The following PTPRG variants were observed in gnomAD, a reference collection of about 807,000 sequenced individuals.
PTPRG encodes receptor-type tyrosine-protein phosphatase gamma.
PTPRG carries 102 observed loss-of-function variants against 165.3 expected under a neutral mutation model. The observed-to-expected ratio is 0.62, with a 90% CI of 0.53 to 0.73. The LOEUF is 0.73. Among genes scored for constraint, PTPRG ranks in the 30% least tolerant of loss-of-function variants. The probability of loss-of-function intolerance (pLI) is 0.00; values close to 1 mark genes in which losing one functional copy is unlikely to be tolerated. For synonymous variants in PTPRG, 675 were observed against 669.5 expected, an observed-to-expected ratio of 1.01 and a Z score of -0.13; for missense variants, 1,866 against 1,861.4, an observed-to-expected ratio of 1.00 and a Z score of -0.05.
At chr3:61,945,452 G>A (rs57057505) in intron 2 of PTPRG, among the ~76,000 whole-genome samples, 19,380 of 151,106 alleles carry the variant, frequency 0.13, 1,431 homozygotes, top group Middle Eastern at 0.2. Flanking sequence ...CCAGCTACTC[G>A]GGAGGCTGCG....
Position 62,189,514 on chromosome 3 carries a change from C to T in PTPRG, c.1034-1955C>T, listed in dbSNP as rs373100324. On this transcript the variant is annotated intron_variant, in intron 8 of 29. Transcript: ENST00000474889. ...CCTGGCCTGTCTCTGCCAGCACGCC[C>T]GCTTACTTCTTACCCGGTTCCTGCA... 3.9e-5 allele frequency among the ~76,000 whole-genome samples: 6 copies of T among 152,274 alleles called. No individual in the cohort carries two copies. In the South Asian group the frequency reaches 1.0e-3, roughly 26 times the overall value.
chr3:61,562,961 G>T (rs1033799495), intron 1 of PTPRG, among the ~76,000 whole-genome samples: 9 of 152,152 alleles, frequency 5.9e-5, no homozygotes, highest in African/African-American at 1.9e-4. Context: ...TCTCTCTGGG[G>T]GCTGGGGCGC....
Position 62,222,295 on chromosome 3 carries a change from G to A in PTPRG, c.2288+3312G>A, listed in dbSNP as rs550752499. Among the ~76,000 whole-genome samples, 52 of 152,300 alleles carry A rather than the reference G, an allele frequency of 3.4e-4. No homozygotes were observed. Among genetic ancestry groups the A allele is most frequent in the African/African-American group, 1.3e-3 (52 of 41,572 alleles). On this transcript the variant is annotated intron_variant, in intron 13 of 29. Coordinates refer to ENST00000474889, the MANE Select transcript of PTPRG (RefSeq NM_002841.4). This position sits in a 1 kb window ranked among gnomAD's most constrained non-coding sequence, Gnocchi z 4.5. ...AAGATGGAACATCAGGACTTGGCTG[G>A]TTTGGTCTGTCTGTGTTTCTCTTGC... is the stretch of plus-strand genomic sequence containing the variant.
At chr3:62,022,036 A>T (rs1165269982) in intron 4 of PTPRG, among the ~76,000 whole-genome samples, 1 of 152,070 alleles carries the variant, frequency 6.6e-6, no homozygotes, top group Admixed American at 6.6e-5. Flanking sequence ...ATATGTATAC[A>T]ATTTACGTTA....
chr3:61,745,260 G>T (rs1023936641), intron 1 of PTPRG, among the ~76,000 whole-genome samples: 5 of 152,034 alleles, frequency 3.3e-5, no homozygotes, highest in African/African-American at 1.2e-4. Context: ...TGTTGGCCAG[G>T]ATGGTCTCGA....
chr3:62,247,450 T>G (rs1033163986), intron 15 of PTPRG, among the ~76,000 whole-genome samples: 5 of 152,190 alleles, frequency 3.3e-5, no homozygotes, highest in African/African-American at 1.2e-4. Flanking sequence ...TTAACTTCTC[T>G]CACTAGCACT....
intron 14 of PTPRG, among the ~76,000 whole-genome samples, chr3:62,231,639 T>C (rs1700904020): frequency 6.6e-6 from 1 of 152,120 alleles, no homozygotes; most frequent in Non-Finnish European, 1.5e-5. Context: ...TTTCCAAATT[T>C]TTAGATATTT....
chr3:61,626,027 GGGGC>G (rs1701599376), intron 1 of PTPRG, among the ~76,000 whole-genome samples: 2 of 114,152 alleles, frequency 1.8e-5, no homozygotes, highest in Middle Eastern at 4.2e-3. Context: ...TTTTTTTGGG[GGGGC>G]GGGAGAGATC....
At chr3:61,719,192 A>G (rs552369586) in intron 1 of PTPRG, among the ~76,000 whole-genome samples, 1 of 152,360 alleles carries the variant, frequency 6.6e-6, no homozygotes, top group African/African-American at 2.4e-5. Flanking sequence ...GAAGAATGGC[A>G]ATTGGATATG....
chr3:61,763,053 C>T (rs62243161), intron 2 of PTPRG, among the ~76,000 whole-genome samples: 29,139 of 152,110 alleles, frequency 0.19, 3,624 homozygotes, highest in Non-Finnish European at 0.25. Context: ...CATCCCACCC[C>T]TGGTGAATCA....
intron 3 of PTPRG, among the ~76,000 whole-genome samples, chr3:61,991,138 T>G (rs1185805877): frequency 6.6e-6 from 1 of 152,230 alleles, no homozygotes; most frequent in African/African-American, 2.4e-5. Flanking sequence ...GACCCTCTCC[T>G]GTACCTTGAT....
intron 2 of PTPRG, among the ~76,000 whole-genome samples, chr3:61,907,081 T>C (rs2038675353): frequency 6.6e-6 from 1 of 152,184 alleles, no homozygotes; most frequent in Non-Finnish European, 1.5e-5. Context: ...AGTTGTTATT[T>C]GGGGTAACAT....
intron 6 of PTPRG, among the ~76,000 whole-genome samples, chr3:62,144,160 C>T (rs1704033442): frequency 1.3e-5 from 2 of 152,194 alleles, no homozygotes; most frequent in Non-Finnish European, 2.9e-5. Context: ...CCTGCACCAC[C>T]TTATGTGTTT....
At chr3:61,762,029 C>A (rs917064505) in intron 2 of PTPRG, among the ~76,000 whole-genome samples, 2 of 129,466 alleles carry the variant, frequency 1.5e-5, no homozygotes, top group African/African-American at 5.0e-5. Context: ...ATATGAAGCT[C>A]TTCTTGGCTG....
At chr3:61,777,003 A>C (rs779241666) in intron 2 of PTPRG, among the ~76,000 whole-genome samples, 29 of 152,274 alleles carry the variant, frequency 1.9e-4, no homozygotes, top group Admixed American at 9.8e-4. Context: ...GTCGAGGTTC[A>C]AGTCTCATTC....
chr3:62,003,487 T>C lies in PTPRG; in HGVS notation c.509T>C (p.Phe170Ser), dbSNP rs1169421615. The C allele has an allele frequency of 1.2e-6, 2 of 1,613,778 alleles. No individual in the cohort carries two copies. The highest frequency in any genetic ancestry group is 1.1e-5 in the South Asian group (1 of 91,010). The change falls in exon 4 of 30, where the codon TTT becomes TCT. Residue 170 changes from phenylalanine to serine, a missense_variant. Phe to Ser is a radical substitution (Grantham distance 155). Coordinates refer to ENST00000474889, the MANE Select transcript of PTPRG (RefSeq NM_002841.4). ...GAACACAGCATCAATGGCAGGAGGT[T>C]TCCTGTTGAGGTGAGAGAAAGTCAA... The part of the protein sequence containing the change: ...GSEHSINGRR[F>S]PVEMQIFFYN...
chr3:61,955,439 T>C (rs77989573), intron 2 of PTPRG, among the ~76,000 whole-genome samples: 6,037 of 152,332 alleles, frequency 0.04, 330 homozygotes, highest in African/African-American at 0.12. Flanking sequence ...TGCAATGCTA[T>C]GCTATCTCAT....
At chr3:62,087,990 A>T (rs1701805661) in intron 5 of PTPRG, among the ~76,000 whole-genome samples, 3 of 152,202 alleles carry the variant, frequency 2.0e-5, no homozygotes, top group African/African-American at 4.8e-5. Context: ...GGCTATAAAG[A>T]GTATAGAATA....
At chr3:61,581,652 C>G (rs533475175) in intron 1 of PTPRG, among the ~76,000 whole-genome samples, 323 of 150,490 alleles carry the variant, frequency 2.1e-3, no homozygotes, top group African/African-American at 7.7e-3. Flanking sequence ...CTCTGTCCCC[C>G]AGGCTGGAGC....
Sources: allele counts gnomAD v4.1 joint callset (sites outside exome capture counted in the v4.1 genomes callset), GRCh38; gene constraint gnomAD v4.1.1; non-coding constraint Gnocchi (gnomAD v3.1); transcripts MANE v1.5; gene names NCBI Gene and HGNC (gene_info 2026-07-23, HGNC 2026-07-21).